Variants in UMAD1 observed in about 807,000 individuals in gnomAD.
UMAD1 encodes the protein UBAP1-MVB12-associated (UMA) domain containing 1, also known as UBAP1-MVB12-associated (UMA)-domain containing protein 1.
Under a neutral mutation model 6.1 loss-of-function variants are expected in UMAD1, and 8 were observed. The observed-to-expected ratio is 1.30, with a 90% CI of 0.76 to 2.35. The LOEUF (loss-of-function observed/expected upper bound fraction) is 2.35, where lower values mean the gene tolerates loss of function less well. UMAD1 is among the 30% of genes most tolerant of loss of function. UMAD1 has a pLI of 0.00. For synonymous variants in UMAD1, 56 were observed against 31.4 expected, an observed-to-expected ratio of 1.78 and a Z score of -2.61; for missense variants, 130 against 78.4, an observed-to-expected ratio of 1.66 and a Z score of -2.49.
chr7:7,643,668 C>G (rs1341910353), intron 1 of UMAD1, among the ~76,000 whole-genome samples: 2 of 150,318 alleles, frequency 1.3e-5, no homozygotes, highest in Admixed American at 1.3e-4. Flanking sequence ...GCCGAGATCG[C>G]GCCACTTCAC....
intron 2 of UMAD1, among the ~76,000 whole-genome samples, chr7:7,758,070 ATT>A (rs1446745520): frequency 6.6e-6 from 1 of 151,840 alleles, no homozygotes; most frequent in Non-Finnish European, 1.5e-5. Flanking sequence ...TTATTTTTAC[ATT>A]ATTATTATTA....
intron 1 of UMAD1, among the ~76,000 whole-genome samples, chr7:7,670,891 TG>T (rs1310968873): frequency 4.6e-5 from 7 of 152,208 alleles, no homozygotes; most frequent in African/African-American, 9.6e-5. Context: ...GGCCCAAGAA[TG>T]TTCCTTAATT....
intron 1 of UMAD1, among the ~76,000 whole-genome samples, chr7:7,658,449 G>T (rs1463285627): frequency 1.3e-5 from 2 of 152,176 alleles, no homozygotes; most frequent in African/African-American, 4.8e-5. Context: ...CTGTGGGTTT[G>T]TCATAAATAG....
intron 2 of UMAD1, among the ~76,000 whole-genome samples, chr7:7,718,057 A>G (rs1780961035): frequency 6.6e-6 from 1 of 152,204 alleles, no homozygotes. Flanking sequence ...AGTGTGTTGA[A>G]TAACCTGTGA....
At chr7:7,642,974 T>C (rs1039238536) in intron 1 of UMAD1, among the ~76,000 whole-genome samples, 18 of 152,330 alleles carry the variant, frequency 1.2e-4, no homozygotes, top group African/African-American at 3.1e-4. Flanking sequence ...TTTGTTTGTT[T>C]TTGAGATTCA....
chr7:7,643,260 G>A (rs1785015969), intron 1 of UMAD1, among the ~76,000 whole-genome samples: 1 of 152,194 alleles, frequency 6.6e-6, no homozygotes, highest in South Asian at 2.1e-4. Flanking sequence ...GGTAAAGTAT[G>A]ATCTTCCAGG....
At position 7,680,314 on chromosome 7, in the gene UMAD1, A is replaced by T. The variant is rs567661269; in HGVS notation, c.82+6861A>T. 2.6e-5 allele frequency among the ~76,000 whole-genome samples: 4 copies of T among 152,192 alleles called. 1 individual carries two copies. Among genetic ancestry groups the T allele is most frequent in the African/African-American group, 9.6e-5 (4 of 41,514 alleles). On this transcript the variant is annotated intron_variant, in intron 2 of 3. Coordinates refer to ENST00000682710, the MANE Select transcript of UMAD1 (RefSeq NM_001302348.2). ...TCAAGACTTCCTTTTCCCAATGTATATCCTTGGCACCCTTGTTGAAAATGA... is the reference window on the plus strand; with the variant it reads ...TCAAGACTTCCTTTTCCCAATGTATTTCCTTGGCACCCTTGTTGAAAATGA...
At chr7:7,659,193 C>T (rs971691488) in intron 1 of UMAD1, among the ~76,000 whole-genome samples, 1 of 152,088 alleles carries the variant, frequency 6.6e-6, no homozygotes, top group African/African-American at 2.4e-5. Context: ...ATTCTTCTCT[C>T]TTTTCTTCTT....
chr7:7,873,855 T>A (rs1784370183), intron 3 of UMAD1, among the ~76,000 whole-genome samples: 1 of 152,212 alleles, frequency 6.6e-6, no homozygotes, highest in South Asian at 2.1e-4. Flanking sequence ...CATCCCTTTT[T>A]AACTACTGGC....
At chr7:7,842,221 C>T (rs1171214214) in intron 3 of UMAD1, among the ~76,000 whole-genome samples, 1 of 152,140 alleles carries the variant, frequency 6.6e-6, no homozygotes, top group Non-Finnish European at 1.5e-5. Context: ...AGCCCCAGTT[C>T]TTTCTCTGTA....
chr7:7,801,588 A>G (rs1178615642), intron 2 of UMAD1, 82 bp from the exon 3 acceptor site: 1 of 662,320 alleles, frequency 1.5e-6, no homozygotes, highest in Non-Finnish European at 2.8e-6. Flanking sequence ...TAATAACAAA[A>G]GATACTTCAA....
intron 2 of UMAD1, among the ~76,000 whole-genome samples, chr7:7,751,017 C>T (rs1280443089): frequency 6.6e-6 from 1 of 152,186 alleles, no homozygotes; most frequent in African/African-American, 2.4e-5. Flanking sequence ...TGAAAACCAG[C>T]TTTAACTGTG....
chr7:7,790,014 A>G, intron 2 of UMAD1, among the ~76,000 whole-genome samples: 1 of 152,144 alleles, frequency 6.6e-6, no homozygotes. Flanking sequence ...TTTTTTACGT[A>G]TTAGAATGTG....
At chr7:7,811,213 G>C (rs536609716) in intron 3 of UMAD1, among the ~76,000 whole-genome samples, 87 of 152,156 alleles carry the variant, frequency 5.7e-4, no homozygotes, top group African/African-American at 2.1e-3. Flanking sequence ...TAGCTGATGA[G>C]AACATAATTT....
At chr7:7,839,513 C>T (rs1783636288) in intron 3 of UMAD1, among the ~76,000 whole-genome samples, 1 of 152,196 alleles carries the variant, frequency 6.6e-6, no homozygotes, top group African/African-American at 2.4e-5. Context: ...AGCCTTTTTA[C>T]TCTTGCTGTA....
chr7:7,667,202 G>C (rs965042468), intron 1 of UMAD1, among the ~76,000 whole-genome samples: 1 of 152,174 alleles, frequency 6.6e-6, no homozygotes, highest in African/African-American at 2.4e-5. Context: ...AGCTCAGATA[G>C]GTAAGTTGCC....
intron 2 of UMAD1, among the ~76,000 whole-genome samples, chr7:7,681,249 AT>A (rs967682591): frequency 6.6e-6 from 1 of 152,156 alleles, no homozygotes; most frequent in African/African-American, 2.4e-5. Context: ...CCACTTGAGA[AT>A]ACCTTTTCCC....
At chr7:7,756,108 T>C (rs1781770455) in intron 2 of UMAD1, among the ~76,000 whole-genome samples, 3 of 152,222 alleles carry the variant, frequency 2.0e-5, no homozygotes, top group African/African-American at 7.2e-5. Flanking sequence ...GATATCAGAG[T>C]AAATGCTAAA....
At chr7:7,784,863 C>T (rs1227395787) in intron 2 of UMAD1, among the ~76,000 whole-genome samples, 6 of 149,290 alleles carry the variant, frequency 4.0e-5, no homozygotes, top group South Asian at 2.1e-4. Flanking sequence ...CTGGGGTTCA[C>T]GCCATTCTCC....
Sources: gnomAD v4.1 joint callset for allele counts (sites outside exome capture counted in the v4.1 genomes callset) on GRCh38, gnomAD v4.1.1 for gene constraint, MANE v1.5 for transcripts, NCBI Gene and HGNC (gene_info 2026-07-23, HGNC 2026-07-21) for gene names.